VAPB: variants seen among roughly 807,000 people sequenced by gnomAD.
VAPB encodes the protein VAMP associated protein B and C, also known as vesicle-associated membrane protein-associated protein B/C.
In VAPB, 7 loss-of-function variants were observed where a neutral mutation model predicts 25.6. That is an observed-to-expected ratio of 0.27 (90% CI 0.16 to 0.51). VAPB has a LOEUF of 0.51. Among genes scored for constraint, VAPB ranks in the 20% least tolerant of loss-of-function variants. The pLI is 0.97. For missense variants in VAPB, 266 were observed against 301.3 expected (o/e 0.88, Z 0.87); for synonymous variants, 112 against 109.2 (o/e 1.03, Z -0.16).
rs991133450 is a variant in VAPB at position 58,444,353 on chromosome 20, C to T, written c.*118C>T. The T allele has an allele frequency of 4.1e-6, 6 of 1,464,772 alleles. No homozygotes were observed. In the South Asian group the frequency reaches 5.7e-5, roughly 14 times the overall value. The allele number at this position is 1,464,772 out of a possible 1,614,324, so 90.7% of individuals were successfully genotyped here. A position where few individuals can be genotyped will look rare whatever the true frequency, so the allele number is the denominator to read the frequency against. The stretch of plus-strand genomic sequence containing the variant: ...GTATGATGACATCTCACAGGTCTTG[C>T]CTTTAAATTACCCCTCCCTGCACAC... On this transcript the variant is annotated 3_prime_UTR_variant, in exon 6 of 6. Transcript: ENST00000475243.
At chr20:58,397,533 A>C (rs1042948944) in intron 1 of VAPB, among the ~76,000 whole-genome samples, 3 of 151,908 alleles carry the variant, frequency 2.0e-5, no homozygotes, top group African/African-American at 7.3e-5. Flanking sequence ...AAAAAAAAAA[A>C]ACAAAACACA....
At chr20:58,419,762 TC>T (rs1213892190) in intron 2 of VAPB, among the ~76,000 whole-genome samples, 4 of 152,204 alleles carry the variant, frequency 2.6e-5, no homozygotes, top group African/African-American at 9.6e-5. Context: ...GCAGCTGAAA[TC>T]TTTTGTTCCC....
chr20:58,390,944 C>T (rs1987780780), intron 1 of VAPB, among the ~76,000 whole-genome samples: 2 of 152,198 alleles, frequency 1.3e-5, no homozygotes, highest in South Asian at 4.1e-4. Context: ...GAACCAAAGG[C>T]TTTCCAATTA....
At position 58,446,302 on chromosome 20, in the gene VAPB, T is replaced by C. The variant is rs977611105; in HGVS notation, c.*2067T>C. 4.4e-6 allele frequency: 2 copies of C among 454,110 alleles called. No individual in the cohort carries two copies. Among genetic ancestry groups the C allele is most frequent in the East Asian group, 1.4e-4 (2 of 14,394 alleles). 28.1% of individuals were successfully genotyped at this position (454,110 alleles called of 1,614,324 possible). A position where few individuals can be genotyped will look rare whatever the true frequency, so the allele number is the denominator to read the frequency against. Reference sequence around the variant, plus strand: ...GACTTTCCGTGAGGGGACTAAAATTTACTAATTGTAGTTGCTGCAGCCAGT... The same window carrying C: ...GACTTTCCGTGAGGGGACTAAAATTCACTAATTGTAGTTGCTGCAGCCAGT... On this transcript the variant is annotated 3_prime_UTR_variant, in exon 6 of 6. Transcript: ENST00000475243.
intron 1 of VAPB, among the ~76,000 whole-genome samples, chr20:58,417,675 C>T (rs948084549): frequency 1.3e-5 from 2 of 152,310 alleles, no homozygotes; most frequent in South Asian, 2.1e-4. Context: ...TTGAGAGTTA[C>T]TGTGTTTATA....
intron 2 of VAPB, among the ~76,000 whole-genome samples, chr20:58,433,174 A>C (rs1037879872): frequency 6.6e-6 from 1 of 152,166 alleles, no homozygotes; most frequent in Non-Finnish European, 1.5e-5. Context: ...TGGGTGCCAG[A>C]TATAAATCTA....
At chr20:58,399,648 C>T (rs545643892) in intron 1 of VAPB, among the ~76,000 whole-genome samples, 13 of 149,058 alleles carry the variant, frequency 8.7e-5, no homozygotes, top group Non-Finnish European at 1.6e-4. Context: ...CCCAGGAGGG[C>T]AGAGGTTGCA....
rs759656151 is a variant in VAPB, at chr20:58,446,460, G to A, written c.*2225G>A. 7.3e-5 allele frequency: 33 copies of A among 453,960 alleles called. No individual in the cohort carries two copies. The highest frequency in any genetic ancestry group is 3.9e-4 in the South Asian group (25 of 64,480). The allele number at this position is 453,960 out of a possible 1,614,324, so 28.1% of individuals were successfully genotyped here. A position where few individuals can be genotyped will look rare whatever the true frequency, so the allele number is the denominator to read the frequency against. On this transcript the variant is annotated 3_prime_UTR_variant, in exon 6 of 6. Transcript: ENST00000475243. ...CTATTTATTTTTAAAGGATATGGCC[G>A]TGTGTTTTGATAAAACTTTATTCAC...
intron 2 of VAPB, among the ~76,000 whole-genome samples, chr20:58,426,578 C>G (rs1600804689): frequency 6.6e-6 from 1 of 152,022 alleles, no homozygotes; most frequent in East Asian, 1.9e-4. Context: ...AGAAGGGAGG[C>G]CTGCCAATAA....
At chr20:58,441,855 G>T (rs890219700) in intron 5 of VAPB, among the ~76,000 whole-genome samples, 1 of 152,218 alleles carries the variant, frequency 6.6e-6, no homozygotes, top group African/African-American at 2.4e-5. Context: ...CTGGGCAGTT[G>T]TGGCTCATCA....
chr20:58,434,370 C>A (rs1306783077), intron 2 of VAPB, among the ~76,000 whole-genome samples: 2 of 152,162 alleles, frequency 1.3e-5, no homozygotes, highest in African/African-American at 4.8e-5. Flanking sequence ...AATCAGAAGA[C>A]TGGGTCCTCG....
chr20:58,403,280 CA>C (rs1347391454), intron 1 of VAPB, among the ~76,000 whole-genome samples: 1 of 152,212 alleles, frequency 6.6e-6, no homozygotes, highest in Non-Finnish European at 1.5e-5. Context: ...CCTTTCCCAT[CA>C]CTTAACAGTA....
intron 1 of VAPB, among the ~76,000 whole-genome samples, chr20:58,396,058 G>A (rs1361283675): frequency 6.6e-6 from 1 of 152,096 alleles, no homozygotes; most frequent in Non-Finnish European, 1.5e-5. Flanking sequence ...TGGGGGTTTG[G>A]GGGTTGGGAA....
At chr20:58,425,205 A>C (rs183881877) in intron 2 of VAPB, among the ~76,000 whole-genome samples, 112 of 152,314 alleles carry the variant, frequency 7.4e-4, no homozygotes, top group Middle Eastern at 3.4e-3. Flanking sequence ...GGTAGAGGAC[A>C]GTCTTTCTCT....
At position 58,411,536 on chromosome 20, in the gene VAPB, C is replaced by T. The variant is rs149591861; in HGVS notation, c.59-6675C>T. ...ACCTCAGCTGATCCACCCGCCTTGG[C>T]CTCCTGATTACAGGCGTGAGCCACC... On this transcript the variant is annotated intron_variant, in intron 1 of 5. Coordinates refer to ENST00000475243, the MANE Select transcript of VAPB (RefSeq NM_004738.5). Among the ~76,000 whole-genome samples, 49 of 152,328 alleles carry T rather than the reference C, an allele frequency of 3.2e-4. No individual in the cohort carries two copies. In the East Asian group the frequency reaches 8.3e-3, roughly 26 times the overall value.
chr20:58,404,452 C>T lies in VAPB; in HGVS notation c.59-13759C>T, dbSNP rs117723713. ...AGACTCCAGGGCTTGCCTCAGTGATCAGTTCCCTGTGCTCCTCACCCTCCC... is the reference window on the plus strand; with the variant it reads ...AGACTCCAGGGCTTGCCTCAGTGATTAGTTCCCTGTGCTCCTCACCCTCCC... On this transcript the variant is annotated intron_variant, in intron 1 of 5. Coordinates refer to ENST00000475243, the MANE Select transcript of VAPB (RefSeq NM_004738.5). 5.1e-3 allele frequency among the ~76,000 whole-genome samples: 770 copies of T among 152,310 alleles called. 3 individuals are homozygous for T. The highest frequency in any genetic ancestry group is 0.022 in the South Asian group (108 of 4,826).
chr20:58,405,741 C>CTTTT (rs1284402807), intron 1 of VAPB, among the ~76,000 whole-genome samples: 2 of 56,726 alleles, frequency 3.5e-5, no homozygotes, highest in Admixed American at 1.8e-4. Context: ...TGGCCAGGAG[C>CTTTT]CTTTTTTTTT....
chr20:58,443,398 G>T (rs1045436195), intron 5 of VAPB, among the ~76,000 whole-genome samples: 8 of 112,836 alleles, frequency 7.1e-5, no homozygotes, highest in Admixed American at 2.8e-4. Context: ...CCACTTTTAG[G>T]TTTTTTTTTT....
At chr20:58,436,408 G>A (rs1048559746) in intron 3 of VAPB, among the ~76,000 whole-genome samples, 12 of 140,132 alleles carry the variant, frequency 8.6e-5, no homozygotes, top group Admixed American at 4.0e-4. Flanking sequence ...ATCTCAGCTC[G>A]CTGCAGCCTC....
Sources: allele counts gnomAD v4.1 joint callset (sites outside exome capture counted in the v4.1 genomes callset), GRCh38; gene constraint gnomAD v4.1.1; transcripts MANE v1.5; gene names NCBI Gene and HGNC (gene_info 2026-07-23, HGNC 2026-07-21).